The following CSMD3 variants were observed in gnomAD, a reference collection of about 807,000 sequenced individuals.
The protein encoded by CSMD3 is CUB and sushi domain-containing protein 3.
CSMD3 carries 177 observed loss-of-function variants against 435.2 expected under a neutral mutation model. That is an observed-to-expected ratio of 0.41 (90% CI 0.36 to 0.46). The LOEUF is 0.46. Ranked by LOEUF, CSMD3 falls within the 20% of genes least tolerant of loss-of-function variation. The pLI, the probability that CSMD3 is intolerant of heterozygous loss-of-function variation, is 0.34. For missense variants in CSMD3, 4,265 were observed against 4,504.6 expected, an observed-to-expected ratio of 0.95 and a Z score of 1.52; for synonymous variants, 1,656 against 1,520.5, an observed-to-expected ratio of 1.09 and a Z score of -2.07.
rs144362964 is a variant in CSMD3, at chr8:112,673,909, T to C, written c.2678-7494A>G. Among the ~76,000 whole-genome samples, 57 of 152,202 alleles carry C rather than the reference T, an allele frequency of 3.7e-4. 1 individual carries two copies. The highest frequency in any genetic ancestry group is 3.4e-3 in the Middle Eastern group (1 of 294). ...CTTGAGTAAGCATTTTATAGAACATTCTAAAGTTGGTGAAGCAAAAACAGA... is the reference window on the plus strand; with the variant it reads ...CTTGAGTAAGCATTTTATAGAACATCCTAAAGTTGGTGAAGCAAAAACAGA... On this transcript the variant is annotated intron_variant, in intron 16 of 70. Coordinates refer to ENST00000297405, the MANE Select transcript of CSMD3 (RefSeq NM_198123.2).
At chr8:113,360,369 T>C (rs1358317804) in intron 1 of CSMD3, among the ~76,000 whole-genome samples, 1 of 152,122 alleles carries the variant, frequency 6.6e-6, no homozygotes, top group African/African-American at 2.4e-5. Context: ...TAGTAATAAT[T>C]TGCAGATAAA....
At chr8:112,798,748 T>C (rs996200919) in intron 13 of CSMD3, among the ~76,000 whole-genome samples, 3 of 151,920 alleles carry the variant, frequency 2.0e-5, no homozygotes, top group South Asian at 2.1e-4. Flanking sequence ...TAATAATTCA[T>C]ACAGTTTCTA....
intron 27 of CSMD3, among the ~76,000 whole-genome samples, chr8:112,535,433 A>G (rs1408931719): frequency 6.6e-6 from 1 of 151,332 alleles, no homozygotes; most frequent in Non-Finnish European, 1.5e-5. Flanking sequence ...TGCTTCAAAG[A>G]GAATAAAATA....
intron 1 of CSMD3, among the ~76,000 whole-genome samples, chr8:113,324,092 T>C (rs7830953): frequency 0.91 from 138,621 of 152,214 alleles, 63,202 homozygotes; most frequent in East Asian, 1. Context: ...GACTTGGGTG[T>C]TGTTAAAGGC....
chr8:112,499,946 T>A (rs1356007415), intron 30 of CSMD3, among the ~76,000 whole-genome samples: 1 of 151,990 alleles, frequency 6.6e-6, no homozygotes, highest in Non-Finnish European at 1.5e-5. Context: ...CCGTCTCTAC[T>A]AAAGATACAA....
chr8:112,967,635 C>A (rs957512252), intron 7 of CSMD3, among the ~76,000 whole-genome samples: 1 of 151,864 alleles, frequency 6.6e-6, no homozygotes, highest in African/African-American at 2.4e-5. Context: ...ACTAAGGCAG[C>A]AATCCATCTA....
At chr8:113,007,641 T>C (rs2086105608) in intron 6 of CSMD3, among the ~76,000 whole-genome samples, 1 of 151,942 alleles carries the variant, frequency 6.6e-6, no homozygotes, top group African/African-American at 2.4e-5. Flanking sequence ...TTTGCATTAA[T>C]TTAGTGTGGT....
At chr8:112,226,510 G>T (rs1401940251) in intron 70 of CSMD3, among the ~76,000 whole-genome samples, 3 of 151,984 alleles carry the variant, frequency 2.0e-5, no homozygotes, top group Admixed American at 2.0e-4. Flanking sequence ...TTTGGCAATG[G>T]TTTCTTGGAT....
chr8:112,226,016 TTG>T (rs1297482090), intron 70 of CSMD3, among the ~76,000 whole-genome samples: 2 of 152,198 alleles, frequency 1.3e-5, no homozygotes, highest in Non-Finnish European at 2.9e-5. Context: ...TAAAATAAAT[TTG>T]TTTCTCAACT....
rs142207091 is a variant in CSMD3 at position 112,689,991 on chromosome 8, C to T, written c.2032G>A (p.Asp678Asn). 107 of 1,612,908 alleles carry T rather than the reference C, an allele frequency of 6.6e-5. No homozygotes were observed. The highest frequency in any genetic ancestry group is 5.9e-4 in the African/African-American group (44 of 74,962). ...AAAACATCACGATTAGAAAATCCAT[C>T]GCCTTCTCTAATTCCATATAAGGGT... Reference protein sequence around the residue: ...GTPLYGIREGDGFSNRDVLRF... With the variant: ...GTPLYGIREGNGFSNRDVLRF... Residue 678 changes from aspartate (D) to asparagine (N), a missense_variant, in exon 14 of 71, where the codon GAT becomes AAT. Physicochemically the swap from Asp to Asn is conservative, Grantham distance 23. Transcript: ENST00000297405.
intron 9 of CSMD3, among the ~76,000 whole-genome samples, chr8:112,932,336 G>A (rs1000289011): frequency 2.6e-5 from 4 of 152,210 alleles, no homozygotes; most frequent in South Asian, 4.1e-4. Flanking sequence ...TAAACCAGGC[G>A]CAGAAAGACA....
At chr8:112,781,028 C>A (rs1444200396) in intron 13 of CSMD3, among the ~76,000 whole-genome samples, 1 of 151,692 alleles carries the variant, frequency 6.6e-6, no homozygotes, top group Non-Finnish European at 1.5e-5. Context: ...TAACTCCAGG[C>A]AATGCAGCTC....
rs973103459 is a variant in CSMD3 at position 112,251,095 on chromosome 8, T to C, written c.10110+3158A>G. Among the ~76,000 whole-genome samples, 5 of 151,962 alleles carry C rather than the reference T, an allele frequency of 3.3e-5. No individual in the cohort carries two copies. In the East Asian group the frequency reaches 9.6e-4, roughly 29 times the overall value. ...GCATGCTAGAATTTTCATCAATGCA[T>C]TTATTTGAATCTGACTTCTAATATC... is the stretch of plus-strand genomic sequence containing the variant. On this transcript the variant is annotated intron_variant, in intron 63 of 70. Transcript: ENST00000297405.
At chr8:113,291,727 G>A (rs532999970) in intron 2 of CSMD3, among the ~76,000 whole-genome samples, 7 of 151,896 alleles carry the variant, frequency 4.6e-5, no homozygotes, top group Non-Finnish European at 8.8e-5. Flanking sequence ...GTTATTGACT[G>A]TACACAAAGT....
chr8:113,190,207 C>A (rs1423609364), intron 3 of CSMD3, among the ~76,000 whole-genome samples: 1 of 151,650 alleles, frequency 6.6e-6, no homozygotes, highest in Admixed American at 6.6e-5. Context: ...TTCAAAGATA[C>A]AACATTGAAC....
At chr8:113,224,731 A>G (rs147005951) in intron 3 of CSMD3, among the ~76,000 whole-genome samples, 3 of 151,340 alleles carry the variant, frequency 2.0e-5, no homozygotes, top group African/African-American at 4.8e-5. Flanking sequence ...GTGTCTTCCA[A>G]CATTCACAGA....
intron 4 of CSMD3, among the ~76,000 whole-genome samples, chr8:113,164,024 T>G (rs1338023990): frequency 6.6e-6 from 1 of 152,058 alleles, no homozygotes; most frequent in African/African-American, 2.4e-5. Context: ...TTGGTTTTCA[T>G]CAGAAATTAT....
intron 1 of CSMD3, among the ~76,000 whole-genome samples, chr8:113,386,717 A>G (rs1398199060): frequency 6.6e-6 from 1 of 151,892 alleles, no homozygotes; most frequent in East Asian, 1.9e-4. Flanking sequence ...AATGTGATCC[A>G]CAGACCACTA....
At chr8:113,147,564 C>G (rs947786313) in intron 4 of CSMD3, among the ~76,000 whole-genome samples, 1 of 151,596 alleles carries the variant, frequency 6.6e-6, no homozygotes, top group African/African-American at 2.4e-5. Flanking sequence ...CTTCCCAGTC[C>G]ATATTTCAAA....
Sources: allele counts gnomAD v4.1 joint callset (sites outside exome capture counted in the v4.1 genomes callset), GRCh38; gene constraint gnomAD v4.1.1; transcripts MANE v1.5; gene names NCBI Gene and HGNC (gene_info 2026-07-23, HGNC 2026-07-21).